Variants in MAP4K4 observed in about 807,000 individuals in gnomAD.
MAP4K4 encodes the protein HPK/GCK-like kinase HGK.
MAP4K4 carries 38 observed loss-of-function variants against 189.6 expected under a neutral mutation model. The ratio of observed to expected loss-of-function variants is 0.20; its 90% confidence interval spans 0.15 to 0.26. MAP4K4 has a LOEUF of 0.26. MAP4K4 is among the 10% of genes least tolerant of loss of function. MAP4K4 has a pLI of 1.00. For synonymous variants in MAP4K4, 610 were observed against 624.3 expected (o/e 0.98, Z 0.34); for missense variants, 1,054 against 1,726.9 (o/e 0.61, Z 6.91).
chr2:101,813,670 G>T (rs951774970), intron 3 of MAP4K4, among the ~76,000 whole-genome samples: 1 of 152,152 alleles, frequency 6.6e-6, no homozygotes, highest in African/African-American at 2.4e-5. Context: ...GAGGATATGG[G>T]ACACATTTTT....
intron 1 of MAP4K4, 131 bp from the exon 2 acceptor site, chr2:101,698,342 G>C: frequency 5.7e-5 from 47 of 826,340 alleles, no homozygotes; most frequent in East Asian, 5.9e-5. Flanking sequence ...CGCGACCCCC[G>C]GGCGCTGGGG....
chr2:101,762,363 G>T (rs183464327), intron 2 of MAP4K4, among the ~76,000 whole-genome samples: 79 of 152,256 alleles, frequency 5.2e-4, no homozygotes, highest in South Asian at 2.3e-3. Context: ...AGCCCAGTTG[G>T]TCTTGTCCCC....
In MAP4K4 at chr2:101,810,057, C is replaced by G. The variant is rs150344063; in HGVS notation, c.181-13871C>G. Among the ~76,000 whole-genome samples, 803 of 152,294 alleles carry G rather than the reference C, an allele frequency of 5.3e-3. 4 individuals are homozygous for G. The highest frequency in any genetic ancestry group is 8.5e-3 in the Non-Finnish European group (576 of 68,018). On this transcript the variant is annotated intron_variant, in intron 3 of 32. Coordinates refer to ENST00000324219, the Ensembl canonical transcript of MAP4K4. ...TGGGTGTGTACTTGTATCACTTAGT[C>G]TGGTGCTAGTACATCACATGCCATG...
At chr2:101,807,931 C>T (rs1366964314) in intron 3 of MAP4K4, among the ~76,000 whole-genome samples, 7 of 152,192 alleles carry the variant, frequency 4.6e-5, no homozygotes, top group Admixed American at 3.3e-4. Context: ...AGAAACCCAC[C>T]TCATGATCTA....
intron 2 of MAP4K4, among the ~76,000 whole-genome samples, chr2:101,775,111 C>G (rs975339948): frequency 6.7e-6 from 1 of 148,370 alleles, no homozygotes; most frequent in Non-Finnish European, 1.5e-5. Flanking sequence ...TATTTCAGGA[C>G]AACCCCGGAT....
At chr2:101,735,622 G>T (rs2060035453) in intron 2 of MAP4K4, among the ~76,000 whole-genome samples, 1 of 152,140 alleles carries the variant, frequency 6.6e-6, no homozygotes, top group South Asian at 2.1e-4. Context: ...CCCATGGGAG[G>T]CCGTCTTTGT....
At chr2:101,876,982 C>T (rs767282497) in intron 26 of MAP4K4, 21 bp from the exon 27 acceptor site, 2 of 1,613,364 alleles carry the variant, frequency 1.2e-6, no homozygotes, top group South Asian at 2.2e-5. Context: ...AAATTGAGGC[C>T]TTTCTGTGTC....
In MAP4K4 at chr2:101,799,704, T is replaced by G. The variant is rs192546543; in HGVS notation, c.180+8928T>G. On this transcript the variant is annotated intron_variant, in intron 3 of 32. Coordinates refer to ENST00000324219, the Ensembl canonical transcript of MAP4K4. ...GCAGCCTGGACTTCCTGGGCTCAAGTGATCCTCCTACCTCAGCCTCCTGAG... is the reference window on the plus strand; with the variant it reads ...GCAGCCTGGACTTCCTGGGCTCAAGGGATCCTCCTACCTCAGCCTCCTGAG... 3.5e-3 allele frequency among the ~76,000 whole-genome samples: 533 copies of G among 151,994 alleles called. 2 individuals are homozygous for G. The highest frequency in any genetic ancestry group is 0.012 in the African/African-American group (518 of 41,462).
chr2:101,744,967 A>G (rs974932501), intron 2 of MAP4K4, among the ~76,000 whole-genome samples: 11 of 152,156 alleles, frequency 7.2e-5, no homozygotes, highest in Admixed American at 1.3e-4. Context: ...TTTGTCATCT[A>G]TATGGGGTGG....
intron 2 of MAP4K4, among the ~76,000 whole-genome samples, chr2:101,722,278 G>A (rs1574242297): frequency 6.6e-6 from 1 of 152,200 alleles, no homozygotes; most frequent in South Asian, 2.1e-4. Flanking sequence ...TTATTCTGAT[G>A]TGCCTTTGAG....
At chr2:101,736,792 G>A (rs1305524098) in intron 2 of MAP4K4, among the ~76,000 whole-genome samples, 1 of 152,156 alleles carries the variant, frequency 6.6e-6, no homozygotes, top group African/African-American at 2.4e-5. Context: ...CAGAGTTAGT[G>A]CTCCTGACAC....
intron 29 of MAP4K4, among the ~76,000 whole-genome samples, chr2:101,886,459 A>C (rs1294465759): frequency 1.3e-5 from 2 of 152,198 alleles, no homozygotes; most frequent in African/African-American, 4.8e-5. Context: ...TCTACTGTGC[A>C]TTTGAATAGT....
chr2:101,837,832 A>G (rs2096804095), intron 9 of MAP4K4, among the ~76,000 whole-genome samples: 1 of 152,212 alleles, frequency 6.6e-6, no homozygotes, highest in Admixed American at 6.5e-5. Context: ...ACTGTGTCCA[A>G]CATATAGTGA....
At chr2:101,698,815 A>G (rs1271492052) in intron 2 of MAP4K4, among the ~76,000 whole-genome samples, 1 of 152,202 alleles carries the variant, frequency 6.6e-6, no homozygotes, top group East Asian at 1.9e-4. Context: ...CATTTTTTAA[A>G]AATAAGACAA....
intron 27 of MAP4K4, among the ~76,000 whole-genome samples, chr2:101,882,326 ATTG>A (rs1314783636): frequency 6.6e-6 from 1 of 152,094 alleles, no homozygotes; most frequent in Admixed American, 6.5e-5. Context: ...CAGTTTTTCT[ATTG>A]TTATCTCCTG....
intron 2 of MAP4K4, among the ~76,000 whole-genome samples, chr2:101,746,653 T>C (rs2065738674): frequency 6.6e-6 from 1 of 152,168 alleles, no homozygotes; most frequent in Non-Finnish European, 1.5e-5. Flanking sequence ...TGTGTTTAAC[T>C]GTAAATATTG....
intron 2 of MAP4K4, among the ~76,000 whole-genome samples, chr2:101,702,224 T>C (rs562733744): frequency 2.6e-5 from 4 of 152,328 alleles, no homozygotes; most frequent in East Asian, 1.9e-4. Flanking sequence ...ACTACTGTTA[T>C]TTTGCATTTT....
At chr2:101,843,119 G>C (rs1404496945) in intron 11 of MAP4K4, among the ~76,000 whole-genome samples, 3 of 152,174 alleles carry the variant, frequency 2.0e-5, no homozygotes, top group Non-Finnish European at 4.4e-5. Flanking sequence ...TTTATCTCTG[G>C]CTCCCCAAAG....
At chr2:101,864,028 G>C (rs753458044) in exon 17 of MAP4K4, 12 of 1,365,738 alleles carry the variant, frequency 8.8e-6, no homozygotes, top group East Asian at 4.6e-5. Context: ...GTCTAGATCA[G>C]ACAGTGACGA....
Sources: allele counts gnomAD v4.1 joint callset (sites outside exome capture counted in the v4.1 genomes callset), GRCh38; gene constraint gnomAD v4.1.1; transcripts MANE v1.5; gene names NCBI Gene and HGNC (gene_info 2026-07-23, HGNC 2026-07-21).